Variants in DMAC2L observed in about 807,000 individuals in gnomAD.
DMAC2L encodes the protein ATP synthase subunit s, mitochondrial.
A neutral mutation model predicts 22.5 loss-of-function variants in DMAC2L; 21 were observed. That is an observed-to-expected ratio of 0.93 (90% CI 0.66 to 1.34). The LOEUF (loss-of-function observed/expected upper bound fraction) is 1.34. Among genes scored for constraint, DMAC2L ranks in the 40% most tolerant of loss-of-function variants. DMAC2L has a pLI of 0.00. For missense variants in DMAC2L, 239 were observed against 246.5 expected, an observed-to-expected ratio of 0.97 and a Z score of 0.20; for synonymous variants, 86 against 89.5, an observed-to-expected ratio of 0.96 and a Z score of 0.22.
At chr14:50,312,187 AAGCCACT>A (rs1169298402), upstream of DMAC2L, 2 of 1,605,988 alleles carry the variant, frequency 1.2e-6, no homozygotes, top group Non-Finnish European at 1.7e-6. Flanking sequence ...CGCTCAGAAG[AAGCCACT>A]TGACCCTCCA....
Position 50,322,899 on chromosome 14 carries a change from T to G in DMAC2L, c.316+180T>G, listed in dbSNP as rs1644086243. On this transcript the variant is annotated intron_variant, in intron 4 of 5. Transcript: ENST00000557421. ...AATTAAATTGAGGTTACAGACACCT[T>G]CCTCTCCTTCCTCCTCTCACTAAGC... is the stretch of plus-strand genomic sequence containing the variant. 3.2e-5 allele frequency: 47 copies of G among 1,448,312 alleles called. 1 individual carries two copies. In the South Asian group the frequency reaches 6.1e-4, roughly 19 times the overall value. The allele number at this position is 1,448,312 out of a possible 1,614,324, so 89.7% of individuals were successfully genotyped here.
At position 50,326,543 on chromosome 14, in the gene DMAC2L, C is replaced by T; in HGVS notation, c.*820C>T. On this transcript the variant is annotated 3_prime_UTR_variant, in exon 6 of 6. Transcript: ENST00000557421. Reference sequence around the variant, plus strand: ...GGATTTGCGTGCATTTCCCATGATCCTGCATTCTTGTGTTCTTGATAGCAT... The same window carrying T: ...GGATTTGCGTGCATTTCCCATGATCTTGCATTCTTGTGTTCTTGATAGCAT... The T allele has an allele frequency of 5.1e-6, 5 of 985,424 alleles. No individual in the cohort carries two copies. Among genetic ancestry groups the T allele is most frequent in the Non-Finnish European group, 6.0e-6 (5 of 829,934 alleles). The allele number at this position is 985,424 out of a possible 1,614,324, so 61.0% of individuals were successfully genotyped here.
rs11295551 is a variant in DMAC2L, at chr14:50,327,334, CAA to C, written c.*1626_*1627del. The stretch of plus-strand genomic sequence containing the variant: ...TGGGCAACAGATTAAGACCCTGTCT[CAA>C]AAAAAAAAAAAAAAGTGAAAAATAG... On this transcript the variant is annotated 3_prime_UTR_variant, in exon 6 of 6. Transcript: ENST00000557421. The C allele has an allele frequency of 9.1e-4, 114 of 124,938 alleles. No homozygotes were observed. Among genetic ancestry groups the C allele is most frequent in the South Asian group, 1.3e-3 (5 of 3,918 alleles). The allele number at this position is 124,938 out of a possible 1,614,324, so 7.7% of individuals were successfully genotyped here.
Position 50,325,634 on chromosome 14 carries a change from G to C in DMAC2L, c.514G>C (p.Asp172His). The change falls in exon 6 of 6, where the codon GAT (aspartate) becomes CAT (histidine). Residue 172 changes from aspartate (D) to histidine (H), a missense_variant. Asp to His is a moderately conservative substitution (Grantham distance 81). Transcript: ENST00000557421. ...LRNLKYLLLS[D>H]LPGVREKENL... is the part of the protein sequence containing the mutation. ...AAACCTCAAATATTTGTTGTTAAGT[G>C]ATCTTCCTGGAGTAAGAGAAAAAGA... 6.2e-7 allele frequency: 1 copy of C among 1,611,250 alleles called. No individual in the cohort carries two copies. The highest frequency in any genetic ancestry group is 1.1e-5 in the South Asian group (1 of 90,582).
At chr14:50,312,438 T>A in intron 1 of DMAC2L, 49 bp downstream of exon 1, 2 of 521,118 alleles carry the variant, frequency 3.8e-6, no homozygotes, top group South Asian at 4.1e-5. Context: ...GGGTGGTGGT[T>A]GTGTTCTGCC....
intron 2 of DMAC2L, among the ~76,000 whole-genome samples, chr14:50,316,079 T>A (rs1045193817): frequency 5.9e-5 from 9 of 152,214 alleles, no homozygotes; most frequent in African/African-American, 2.2e-4. Context: ...TATTTTTTTT[T>A]AATTTTTTGA....
At chr14:50,314,997 C>T (rs12886667) in intron 2 of DMAC2L, among the ~76,000 whole-genome samples, 85,126 of 148,708 alleles carry the variant, frequency 0.57, 24,022 homozygotes, top group East Asian at 0.63. Context: ...GACAGAGTCT[C>T]GCTCTGTCAC....
At chr14:50,323,313 T>C (rs7150503) in intron 4 of DMAC2L, among the ~76,000 whole-genome samples, 60,545 of 149,720 alleles carry the variant, frequency 0.4, 12,716 homozygotes, top group East Asian at 0.61. Context: ...ATGGTCTCGA[T>C]CTCCTGACCT....
rs1045398026 is a variant in DMAC2L, at chr14:50,312,640, C to G, written c.-42+251C>G. 2.4e-5 allele frequency: 7 copies of G among 290,008 alleles called. 1 individual carries two copies. The South Asian group carries it at 3.5e-4, about 14-fold the overall frequency. The allele number at this position is 290,008 out of a possible 1,614,324, so 18.0% of individuals were successfully genotyped here. ...CTCGGCCCCGCCCCCGCCCCGCCCCCGCTCCAGCTCCAGCCGGGTCCTCGC... is the reference window on the plus strand; with the variant it reads ...CTCGGCCCCGCCCCCGCCCCGCCCCGGCTCCAGCTCCAGCCGGGTCCTCGC... On this transcript the variant is annotated intron_variant, in intron 1 of 5. Coordinates refer to ENST00000557421, the MANE Select transcript of DMAC2L (RefSeq NM_001382507.1).
upstream of DMAC2L, chr14:50,312,220 G>A (rs950561439): frequency 3.5e-5 from 55 of 1,579,566 alleles, no homozygotes; most frequent in East Asian, 1.2e-3. Flanking sequence ...GAGGACCCGC[G>A]CTCTTTAGCC....
Position 50,325,624 on chromosome 14 carries a change from G to A in DMAC2L, c.504G>A (p.Leu168=), listed in dbSNP as rs1468220889. 1 of 1,609,768 alleles carries A rather than the reference G, an allele frequency of 6.2e-7. No homozygotes were observed. The highest frequency in any genetic ancestry group is 1.3e-5 in the African/African-American group (1 of 74,862). The change falls in exon 6 of 6, where the codon TTG becomes TTA. Residue 168 remains leucine (L), a synonymous_variant. Coordinates refer to ENST00000557421, the MANE Select transcript of DMAC2L (RefSeq NM_001382507.1). ...ALRHLRNLKY[L]LLSDLPGVRE... The stretch of plus-strand genomic sequence containing the variant: ...TTATTTGCAGAAACCTCAAATATTT[G>A]TTGTTAAGTGATCTTCCTGGAGTAA...
chr14:50,317,172 T>G (rs1161686008), intron 2 of DMAC2L, among the ~76,000 whole-genome samples: 1 of 151,076 alleles, frequency 6.6e-6, no homozygotes, highest in Non-Finnish European at 1.5e-5. Flanking sequence ...TATTCCTAAG[T>G]TTTTTTTGTG....
chr14:50,312,185 A>G, upstream of DMAC2L: 1 of 1,606,432 alleles, frequency 6.2e-7, no homozygotes, highest in Non-Finnish European at 8.5e-7. Flanking sequence ...AGCGCTCAGA[A>G]GAAGCCACTT....
intron 5 of DMAC2L, among the ~76,000 whole-genome samples, chr14:50,325,126 TG>T (rs1241407724): frequency 1.9e-5 from 2 of 105,208 alleles, no homozygotes; most frequent in Non-Finnish European, 4.4e-5. Flanking sequence ...ATTCAAATTA[TG>T]TATCTAATTA....
chr14:50,318,935 CTTTG>C, intron 2 of DMAC2L: 1 of 746,648 alleles, frequency 1.3e-6, no homozygotes, highest in Non-Finnish European at 1.6e-6. Context: ...TCTCTTTCTC[CTTTG>C]TTCTTGTTTT....
At chr14:50,324,293 T>C (rs568257069) in intron 5 of DMAC2L, 177 bp downstream of exon 5, 6 of 503,898 alleles carry the variant, frequency 1.2e-5, no homozygotes, top group African/African-American at 2.0e-5. Context: ...CTTAATACAT[T>C]AATGTTGTAT....
chr14:50,322,751 T>C (rs1430028717), intron 4 of DMAC2L, 32 bp downstream of exon 4: 1 of 1,613,676 alleles, frequency 6.2e-7, no homozygotes. Flanking sequence ...TAATAGAAAA[T>C]GCAGATGATT....
chr14:50,324,275 T>C, intron 5 of DMAC2L, 159 bp downstream of exon 5: 2 of 694,964 alleles, frequency 2.9e-6, no homozygotes, highest in South Asian at 4.8e-5. Flanking sequence ...ACAGCTAAAA[T>C]GATCAACCTT....
In DMAC2L at chr14:50,323,942, C is replaced by T. The variant is rs2032502107; in HGVS notation, c.317-3C>T. The T allele has an allele frequency of 2.5e-6, 4 of 1,598,130 alleles. No individual in the cohort carries two copies. The highest frequency in any genetic ancestry group is 3.4e-6 in the Non-Finnish European group (4 of 1,173,476). On this transcript the variant is annotated splice_region_variant and splice_polypyrimidine_tract_variant and intron_variant, in intron 4 of 5. Coordinates refer to ENST00000557421, the MANE Select transcript of DMAC2L (RefSeq NM_001382507.1). ...ATTCTTAATCTGTACTTTTTCTCCC[C>T]AGAGGGCCTAGAGCATGTTGAAAAA... is the stretch of plus-strand genomic sequence containing the variant.
Sources: gnomAD v4.1 joint callset for allele counts (sites outside exome capture counted in the v4.1 genomes callset) on GRCh38, gnomAD v4.1.1 for gene constraint, MANE v1.5 for transcripts, NCBI Gene and HGNC (gene_info 2026-07-23, HGNC 2026-07-21) for gene names.